Variants in NAP1L4 observed in about 807,000 individuals in gnomAD.
NAP1L4 encodes nucleosome assembly protein 1 like 4.
In NAP1L4, 15 loss-of-function variants were observed where a neutral mutation model predicts 58.2. The ratio of observed to expected loss-of-function variants is 0.26; its 90% CI spans 0.17 to 0.40. NAP1L4 has a LOEUF of 0.40. Among genes scored for constraint, NAP1L4 ranks in the 10% least tolerant of loss-of-function variants. The pLI, the probability that NAP1L4 is intolerant of heterozygous loss-of-function variation, is 1.00. For synonymous variants in NAP1L4, 171 were observed against 155.6 expected, an observed-to-expected ratio of 1.10 and a Z score of -0.74; for missense variants, 384 against 451.1, an observed-to-expected ratio of 0.85 and a Z score of 1.35.
intron 4 of NAP1L4, among the ~76,000 whole-genome samples, chr11:2,975,223 T>C (rs577480379): frequency 1.0e-4 from 15 of 150,494 alleles, no homozygotes; most frequent in African/African-American, 2.7e-4. Context: ...GAGGCTGAGG[T>C]AGAAGGATTA....
In NAP1L4 at chr11:2,959,011, G is replaced by A; in HGVS notation, c.747-467C>T. The A allele has an allele frequency of 5.7e-6, 1 of 174,914 alleles. No homozygotes were observed. Among genetic ancestry groups the A allele is most frequent in the South Asian group, 1.2e-4 (1 of 8,086 alleles). The allele number at this position is 174,914 out of a possible 1,614,324, so 10.8% of individuals were successfully genotyped here. A position where few individuals can be genotyped will look rare whatever the true frequency, so the allele number is the denominator to read the frequency against. On this transcript the variant is annotated intron_variant, in intron 9 of 15. Coordinates refer to ENST00000380542, the MANE Select transcript of NAP1L4 (RefSeq NM_005969.4). This position sits in a 1 kb window ranked among gnomAD's most constrained non-coding sequence, Gnocchi z 4.9. The stretch of plus-strand genomic sequence containing the variant: ...TCCAGCCCCAGGGATGCTGGCGAGG[G>A]CTGAGCACAGCACGCTCTCTCTAAC...
At chr11:2,980,170 T>A (rs561178479) in intron 1 of NAP1L4, among the ~76,000 whole-genome samples, 2 of 152,302 alleles carry the variant, frequency 1.3e-5, no homozygotes, top group East Asian at 3.9e-4. Flanking sequence ...ATAGAAGAAC[T>A]TGATATTAAT....
intron 4 of NAP1L4, 24 bp from the exon 5 acceptor site, chr11:2,972,267 A>C: frequency 6.3e-7 from 1 of 1,583,116 alleles, no homozygotes; most frequent in African/African-American, 1.4e-5. Flanking sequence ...TAAGAAATAC[A>C]ACATCCTCAT....
chr11:2,971,431 T>C lies in NAP1L4; in HGVS notation c.402+17A>G, dbSNP rs775412617. On this transcript the variant is annotated intron_variant, in intron 6 of 15. Transcript: ENST00000380542. The surrounding 1 kb of genome is among the most constrained non-coding windows in gnomAD (Gnocchi z 4.2). ...GTATTAAAACAGAACATGAGTCACA[T>C]GTTTCTAAAGACTTACAGCCAATTT... The C allele has an allele frequency of 6.2e-6, 10 of 1,608,220 alleles. No homozygotes were observed. In the East Asian group the frequency reaches 1.3e-4, roughly 22 times the overall value.
chr11:2,982,709 C>G (rs1037098598), intron 1 of NAP1L4, among the ~76,000 whole-genome samples: 1 of 152,224 alleles, frequency 6.6e-6, no homozygotes, highest in African/African-American at 2.4e-5. Context: ...CTGGCTGTTT[C>G]TACTTGCTCA....
chr11:2,980,186 T>TA (rs970307970), intron 1 of NAP1L4, among the ~76,000 whole-genome samples: 3 of 152,076 alleles, frequency 2.0e-5, no homozygotes, highest in African/African-American at 7.2e-5. Flanking sequence ...TTAATAAAAC[T>TA]AAAAAAAAGT....
rs1341543713 is a variant in NAP1L4 at position 2,971,120 on chromosome 11, C to G, written c.402+328G>C. ...AGGAAGGCACTCCCCTCACAACTCC[C>G]CCAATCTTCCAGTGACTGAGAACAC... On this transcript the variant is annotated intron_variant, in intron 6 of 15. Coordinates refer to ENST00000380542, the MANE Select transcript of NAP1L4 (RefSeq NM_005969.4). The surrounding 1 kb of genome is among the most constrained non-coding windows in gnomAD (Gnocchi z 4.2). Among the ~76,000 whole-genome samples the G allele has an allele frequency of 6.6e-6, 1 of 152,214 alleles. No homozygotes were observed. The highest frequency in any genetic ancestry group is 1.5e-5 in the Non-Finnish European group (1 of 68,036).
At chr11:2,969,365 T>TACACACACAC (rs112028410) in intron 7 of NAP1L4, among the ~76,000 whole-genome samples, 2 of 151,118 alleles carry the variant, frequency 1.3e-5, no homozygotes, top group African/African-American at 2.4e-5. Flanking sequence ...GATGTGTGTG[T>TACACACACAC]ACACACACAC....
chr11:2,949,369 C>A lies in NAP1L4; in HGVS notation c.1123-105G>T. ...CACAATTTCTCATGATACAAAAGGG[C>A]TGCAAGATACTGAACTCGGGGTGAA... On this transcript the variant is annotated intron_variant, in intron 14 of 15. Coordinates refer to ENST00000380542, the MANE Select transcript of NAP1L4 (RefSeq NM_005969.4). This position sits in a 1 kb window ranked among gnomAD's most constrained non-coding sequence, Gnocchi z 4.0. 1.1e-6 allele frequency: 1 copy of A among 890,502 alleles called. No homozygotes were observed. The highest frequency in any genetic ancestry group is 1.9e-6 in the Non-Finnish European group (1 of 531,484). The allele number at this position is 890,502 out of a possible 1,614,324, so 55.2% of individuals were successfully genotyped here.
At chr11:2,988,819 TAAAGA>T (rs1464758560) in intron 1 of NAP1L4, among the ~76,000 whole-genome samples, 1 of 152,166 alleles carries the variant, frequency 6.6e-6, no homozygotes, top group Non-Finnish European at 1.5e-5. Flanking sequence ...AATCAAAAAG[TAAAGA>T]TCACAAAGTG....
chr11:2,966,047 C>A (rs1847257538), intron 7 of NAP1L4, among the ~76,000 whole-genome samples: 1 of 152,196 alleles, frequency 6.6e-6, no homozygotes, highest in African/African-American at 2.4e-5. Context: ...GACCTGAATC[C>A]TCAGAAACAC....
chr11:2,944,899 G>A lies in NAP1L4; in HGVS notation c.*780C>T, dbSNP rs1471302659. 3.9e-5 allele frequency: 6 copies of A among 152,240 alleles called. No homozygotes were observed. The highest frequency in any genetic ancestry group is 7.3e-5 in the Non-Finnish European group (5 of 68,046). The allele number at this position is 152,240 out of a possible 1,614,324, so 9.4% of individuals were successfully genotyped here. On this transcript the variant is annotated 3_prime_UTR_variant, in exon 16 of 16. Transcript: ENST00000380542. ...CTGCTAGGAAGTGGCACATCTTCCT[G>A]CTCAGGGCACCAAGGTGGTTCAGAA...
chr11:2,960,619 T>C (rs1182583423), intron 8 of NAP1L4, among the ~76,000 whole-genome samples: 1 of 152,148 alleles, frequency 6.6e-6, no homozygotes, highest in Non-Finnish European at 1.5e-5. Context: ...CAAAAATATG[T>C]AGACCCGGCC....
chr11:2,979,263 A>G, intron 1 of NAP1L4, 26 bp from the exon 2 acceptor site: 1 of 1,570,340 alleles, frequency 6.4e-7, no homozygotes, highest in Non-Finnish European at 8.7e-7. Flanking sequence ...AGTTGTAATA[A>G]TTATATTCAT....
intron 15 of NAP1L4, among the ~76,000 whole-genome samples, chr11:2,947,433 G>C (rs2133890125): frequency 6.6e-6 from 1 of 152,320 alleles, no homozygotes; most frequent in East Asian, 1.9e-4. Flanking sequence ...ACTCTGGGAA[G>C]AGCTGCCTCC....
At chr11:2,981,277 G>A (rs1848287877) in intron 1 of NAP1L4, among the ~76,000 whole-genome samples, 1 of 151,360 alleles carries the variant, frequency 6.6e-6, no homozygotes, top group African/African-American at 2.4e-5. Context: ...GGACACAGCG[G>A]CTGATACCTC....
At chr11:2,979,324 A>C in intron 1 of NAP1L4, 87 bp from the exon 2 acceptor site, 1 of 1,142,878 alleles carries the variant, frequency 8.7e-7, no homozygotes. Context: ...TATCTGTGGG[A>C]TGGAGTCCAC....
chr11:2,961,922 C>T (rs1351681885), intron 8 of NAP1L4, among the ~76,000 whole-genome samples: 1 of 152,228 alleles, frequency 6.6e-6, no homozygotes, highest in Non-Finnish European at 1.5e-5. Flanking sequence ...CCAAAGACAA[C>T]TGAAGATGAT....
At position 2,954,566 on chromosome 11, in the gene NAP1L4, C is replaced by G; in HGVS notation, c.996G>C (p.Val332=). Residue 332 remains valine, a synonymous_variant, in exon 12 of 16, where the codon GTG becomes GTC. Coordinates refer to ENST00000380542, the MANE Select transcript of NAP1L4 (RefSeq NM_005969.4). The surrounding 1 kb of genome is among the most constrained non-coding windows in gnomAD (Gnocchi z 4.8). ...CTATGGCCTCCCCAGTGAAGTACAG[C>G]ACAGCCCGCGGGACTATCCGCTCAC... ...FFRERIVPRA[V]LYFTGEAIED... 6.2e-7 allele frequency: 1 copy of G among 1,614,226 alleles called. No homozygotes were observed. The highest frequency in any genetic ancestry group is 8.5e-7 in the Non-Finnish European group (1 of 1,180,058).
Sources: allele counts gnomAD v4.1 joint callset (sites outside exome capture counted in the v4.1 genomes callset), GRCh38; gene constraint gnomAD v4.1.1; non-coding constraint Gnocchi (gnomAD v3.1); transcripts MANE v1.5; gene names NCBI Gene and HGNC (gene_info 2026-07-23, HGNC 2026-07-21).